The following PYGO1 variants were observed in gnomAD, a reference collection of about 807,000 sequenced individuals.
The protein encoded by PYGO1 is pygopus homolog 1.
PYGO1 carries 6 observed loss-of-function variants against 29.5 expected under a neutral mutation model. The observed-to-expected ratio is 0.20, with a 90% CI of 0.11 to 0.40. PYGO1 has a LOEUF of 0.40. Among genes scored for constraint, PYGO1 ranks in the 10% least tolerant of loss-of-function variants. PYGO1 has a pLI of 1.00. For synonymous variants in PYGO1, 186 were observed against 180.5 expected, an observed-to-expected ratio of 1.03 and a Z score of -0.24; for missense variants, 515 against 514.9, an observed-to-expected ratio of 1.00 and a Z score of 0.00.
intron 1 of PYGO1, among the ~76,000 whole-genome samples, chr15:55,551,407 A>C (rs1323256184): frequency 6.6e-6 from 1 of 152,106 alleles, no homozygotes; most frequent in African/African-American, 2.4e-5. Flanking sequence ...ACACTTCCTA[A>C]CTCATTCTAT....
upstream of PYGO1, among the ~76,000 whole-genome samples, chr15:55,588,544 G>A (rs1296771628): frequency 6.8e-6 from 1 of 146,874 alleles, no homozygotes; most frequent in Non-Finnish European, 1.5e-5. Context: ...CAGCCCCCAC[G>A]GCCCGCGCGC....
intron 1 of PYGO1, among the ~76,000 whole-genome samples, chr15:55,563,653 A>G (rs551841583): frequency 1.3e-4 from 20 of 152,140 alleles, no homozygotes; most frequent in South Asian, 2.1e-4. Flanking sequence ...TCCAGCCACA[A>G]ATAAATTCTT....
chr15:55,563,366 CT>C (rs746208614), intron 1 of PYGO1, among the ~76,000 whole-genome samples: 1,533 of 128,748 alleles, frequency 0.012, 18 homozygotes, highest in East Asian at 0.055. Context: ...TGAATAAATT[CT>C]TTTTTTTTTT....
At chr15:55,552,630 C>T (rs533473062) in intron 1 of PYGO1, among the ~76,000 whole-genome samples, 21 of 152,132 alleles carry the variant, frequency 1.4e-4, no homozygotes, top group African/African-American at 4.6e-4. Flanking sequence ...TCCAGGAAAC[C>T]ACACTTCTCC....
intron 1 of PYGO1, among the ~76,000 whole-genome samples, chr15:55,587,473 G>A (rs1428762182): frequency 2.0e-5 from 3 of 151,786 alleles, no homozygotes; most frequent in Non-Finnish European, 4.4e-5. Context: ...TTTTTGAGGG[G>A]GTGGGCACCG....
chr15:55,583,782 A>C (rs2059035130), intron 1 of PYGO1, among the ~76,000 whole-genome samples: 1 of 152,204 alleles, frequency 6.6e-6, no homozygotes, highest in South Asian at 2.1e-4. Flanking sequence ...TGCTGGGATT[A>C]CAGGCATAAG....
Position 55,552,564 on chromosome 15 carries a change from CA to C in PYGO1, c.50-3570del, listed in dbSNP as rs914728551. On this transcript the variant is annotated intron_variant, in intron 1 of 2. Coordinates refer to ENST00000563719, the MANE Select transcript of PYGO1 (RefSeq NM_001367806.1). ...CGCCCGCCCAGGAGCAGCATGGAGC[CA>C]AAAAAAAAGCCCCACCTCCAGCCAA... 6.8e-5 allele frequency among the ~76,000 whole-genome samples: 10 copies of C among 147,442 alleles called. No individual in the cohort carries two copies. In the South Asian group the frequency reaches 1.1e-3, roughly 16 times the overall value.
At chr15:55,562,441 G>T (rs1205513496) in intron 1 of PYGO1, among the ~76,000 whole-genome samples, 2 of 152,218 alleles carry the variant, frequency 1.3e-5, no homozygotes, top group African/African-American at 2.4e-5. Flanking sequence ...GGAGGCTGAG[G>T]TGGGCAGATC....
intron 1 of PYGO1, among the ~76,000 whole-genome samples, chr15:55,570,583 GATTTCTTGTTATAAAATTTTAAATAC>G (rs2058976290): frequency 1.3e-5 from 2 of 150,666 alleles, no homozygotes; most frequent in Non-Finnish European, 3.0e-5. Context: ...ATTATGTTTT[GATTTCTTGTTATAAAATTTTAAATAC>G]ATTTTAAATT....
intron 1 of PYGO1, among the ~76,000 whole-genome samples, chr15:55,555,077 G>C (rs1429735153): frequency 6.6e-6 from 1 of 151,112 alleles, no homozygotes; most frequent in Non-Finnish European, 1.5e-5. Context: ...CTGAGGTCAA[G>C]ATGAAAAAAA....
rs1187169428 is a variant in PYGO1 at position 55,555,580 on chromosome 15, G to A, written c.50-6585C>T. ...GGAGATATACCTAATGCTAAATGAC[G>A]AGTTAATGGGTGCAGCATACCAACA... On this transcript the variant is annotated intron_variant, in intron 1 of 2. Coordinates refer to ENST00000563719, the MANE Select transcript of PYGO1 (RefSeq NM_001367806.1). 4.0e-5 allele frequency among the ~76,000 whole-genome samples: 6 copies of A among 149,616 alleles called. No homozygotes were observed. In the South Asian group the frequency reaches 1.3e-3, roughly 32 times the overall value.
chr15:55,569,366 G>A (rs889478139), intron 1 of PYGO1, among the ~76,000 whole-genome samples: 11 of 152,104 alleles, frequency 7.2e-5, no homozygotes, highest in African/African-American at 2.7e-4. Context: ...TCTTCTAGGT[G>A]TGATGTTAGA....
intron 1 of PYGO1, among the ~76,000 whole-genome samples, chr15:55,564,842 A>G (rs1404283061): frequency 6.6e-6 from 1 of 152,166 alleles, no homozygotes; most frequent in Non-Finnish European, 1.5e-5. Context: ...CAGTAGGGTG[A>G]GTTCTTGTCT....
Position 55,545,993 on chromosome 15 carries a change from A to G in PYGO1, c.*30T>C. ...CAATGAACTTCTGCAATGCACAGGA[A>G]AATAAACCCACTTTAGTTAATGCCT... On this transcript the variant is annotated 3_prime_UTR_variant, in exon 3 of 3. Coordinates refer to ENST00000563719, the MANE Select transcript of PYGO1 (RefSeq NM_001367806.1). 6.4e-7 allele frequency: 1 copy of G among 1,550,416 alleles called. No individual in the cohort carries two copies. The highest frequency in any genetic ancestry group is 8.7e-7 in the Non-Finnish European group (1 of 1,145,906).
intron 1 of PYGO1, among the ~76,000 whole-genome samples, chr15:55,552,506 C>T (rs1023009081): frequency 7.2e-5 from 11 of 151,894 alleles, no homozygotes; most frequent in African/African-American, 1.2e-4. Flanking sequence ...CAACTTGACC[C>T]ACAGAGAATG....
intron 1 of PYGO1, among the ~76,000 whole-genome samples, chr15:55,561,831 T>C (rs184433018): frequency 6.6e-6 from 1 of 152,212 alleles, no homozygotes; most frequent in East Asian, 1.9e-4. Context: ...CAAAAGCAAT[T>C]GCAACAAATG....
At chr15:55,576,413 G>A (rs1456337844) in intron 1 of PYGO1, among the ~76,000 whole-genome samples, 5 of 103,688 alleles carry the variant, frequency 4.8e-5, no homozygotes, top group Admixed American at 1.3e-4. Context: ...CCGAGATCCC[G>A]CCACTGCACT....
chr15:55,580,389 T>C (rs2141676909), intron 1 of PYGO1, among the ~76,000 whole-genome samples: 1 of 152,342 alleles, frequency 6.6e-6, no homozygotes, highest in South Asian at 2.1e-4. Context: ...CATTTATTGA[T>C]TGATTAAATA....
chr15:55,545,807 T>TATAA lies in PYGO1; in HGVS notation c.*215_*216insTTAT, dbSNP rs35596002. ...TAAATAACAACAACTAACATTTATT[T>TATAA]ATGTTTCTAAAGCACCCCCATATAC... is the stretch of plus-strand genomic sequence containing the variant. On this transcript the variant is annotated 3_prime_UTR_variant, in exon 3 of 3. Transcript: ENST00000563719. 0.054 allele frequency: 22,127 copies of TATAA among 407,890 alleles called. 727 individuals carry two copies. The highest frequency in any genetic ancestry group is 0.074 in the Middle Eastern group (111 of 1,504). The allele number at this position is 407,890 out of a possible 1,614,324, so 25.3% of individuals were successfully genotyped here. A position where few individuals can be genotyped will look rare whatever the true frequency, so the allele number is the denominator to read the frequency against.
Sources: gnomAD v4.1 joint callset for allele counts (sites outside exome capture counted in the v4.1 genomes callset) on GRCh38, gnomAD v4.1.1 for gene constraint, MANE v1.5 for transcripts, NCBI Gene and HGNC (gene_info 2026-07-23, HGNC 2026-07-21) for gene names.